Variants in ACTL8 observed in about 807,000 individuals in gnomAD.
ACTL8 encodes actin like 8, also known as actin-like protein 8.
Under a neutral mutation model 9.3 loss-of-function variants are expected in ACTL8, and 3 were observed. The observed-to-expected ratio is 0.32, with a 90% CI of 0.15 to 0.83. ACTL8 has a LOEUF of 0.83. ACTL8 is among the 40% of genes least tolerant of loss of function. The pLI is 0.57. For missense variants in ACTL8, 381 were observed against 492.2 expected (o/e 0.77, Z 2.14); for synonymous variants, 224 against 205.9 (o/e 1.09, Z -0.75).
At chr1:17,803,300 C>G (rs2066337021) in intron 1 of ACTL8, among the ~76,000 whole-genome samples, 2 of 152,194 alleles carry the variant, frequency 1.3e-5, no homozygotes, top group African/African-American at 4.8e-5. Context: ...GAGGCCTCCC[C>G]AGCCATGCGG....
intron 1 of ACTL8, among the ~76,000 whole-genome samples, chr1:17,816,973 G>C (rs1047990937): frequency 6.6e-6 from 1 of 152,156 alleles, no homozygotes; most frequent in Non-Finnish European, 1.5e-5. Context: ...TCTGCAGGTT[G>C]CTTCTCCAAG....
intron 1 of ACTL8, among the ~76,000 whole-genome samples, chr1:17,770,764 C>T (rs2066077268): frequency 6.6e-6 from 1 of 152,116 alleles, no homozygotes; most frequent in Admixed American, 6.5e-5. Flanking sequence ...TCGCCATGCA[C>T]AGTGAAACCA....
At chr1:17,775,618 C>T (rs759913596) in intron 1 of ACTL8, among the ~76,000 whole-genome samples, 1 of 152,204 alleles carries the variant, frequency 6.6e-6, no homozygotes, top group Non-Finnish European at 1.5e-5. Context: ...TCACCTGTGT[C>T]CCATGGTAGT....
chr1:17,815,736 T>C lies in ACTL8; in HGVS notation c.-24-7249T>C, dbSNP rs552779727. Among the ~76,000 whole-genome samples the C allele has an allele frequency of 2.0e-3, 308 of 152,330 alleles. 1 individual carries two copies. The highest frequency in any genetic ancestry group is 3.5e-3 in the Non-Finnish European group (241 of 68,032). On this transcript the variant is annotated intron_variant, in intron 1 of 2. Coordinates refer to ENST00000375406, the MANE Select transcript of ACTL8 (RefSeq NM_030812.3). The stretch of plus-strand genomic sequence containing the variant: ...ATTTGGGAAATTTTTAGCCATTATG[T>C]CTTCAAAACTTTTTCTGAGCCAGTC...
At chr1:17,807,339 C>T (rs2066365980) in intron 1 of ACTL8, among the ~76,000 whole-genome samples, 1 of 152,182 alleles carries the variant, frequency 6.6e-6, no homozygotes, top group Admixed American at 6.5e-5. Flanking sequence ...AGGTTGGAGG[C>T]ACAGACCCTG....
At chr1:17,781,055 T>C (rs2066151392) in intron 1 of ACTL8, among the ~76,000 whole-genome samples, 1 of 152,036 alleles carries the variant, frequency 6.6e-6, no homozygotes, top group Non-Finnish European at 1.5e-5. Context: ...TATCAGCAGA[T>C]CCCCAGTAAC....
chr1:17,809,766 C>T (rs1410558249), intron 1 of ACTL8, among the ~76,000 whole-genome samples: 1 of 151,900 alleles, frequency 6.6e-6, no homozygotes, highest in Non-Finnish European at 1.5e-5. Context: ...CAAGCTCAGG[C>T]CTCCCACTGA....
At chr1:17,764,790 A>C (rs1476014172) in intron 1 of ACTL8, among the ~76,000 whole-genome samples, 3 of 152,054 alleles carry the variant, frequency 2.0e-5, no homozygotes, top group Non-Finnish European at 2.9e-5. Context: ...TCCCCGGGGG[A>C]GTTCACGCAG....
chr1:17,797,979 C>A (rs1382775634), intron 1 of ACTL8, among the ~76,000 whole-genome samples: 1 of 152,104 alleles, frequency 6.6e-6, no homozygotes, highest in Non-Finnish European at 1.5e-5. Context: ...GCTGTCGAAT[C>A]TGAGTGGGGC....
At chr1:17,774,633 G>C (rs2066106503) in intron 1 of ACTL8, among the ~76,000 whole-genome samples, 1 of 152,094 alleles carries the variant, frequency 6.6e-6, no homozygotes, top group African/African-American at 2.4e-5. Context: ...TCCTGGGGTA[G>C]GCATGTGCCT....
At position 17,826,757 on chromosome 1, in the gene ACTL8, C is replaced by A. The variant is rs1356832436; in HGVS notation, c.*238C>A. On this transcript the variant is annotated 3_prime_UTR_variant, in exon 3 of 3. Transcript: ENST00000375406. This position sits in a 1 kb window ranked among gnomAD's most constrained non-coding sequence, Gnocchi z 4.5. ...GAAACCCTGCAGGGGACAGTTTTTC[C>A]AGGGTGGCCTATCATTGGGGTATGA... The A allele has an allele frequency of 2.6e-6, 1 of 377,926 alleles. No individual in the cohort carries two copies. The highest frequency in any genetic ancestry group is 4.7e-6 in the Non-Finnish European group (1 of 213,046). The allele number at this position is 377,926 out of a possible 1,614,324, so 23.4% of individuals were successfully genotyped here.
intron 1 of ACTL8, among the ~76,000 whole-genome samples, chr1:17,756,158 A>T (rs2065968132): frequency 6.6e-6 from 1 of 151,684 alleles, no homozygotes; most frequent in Admixed American, 6.6e-5. Context: ...CTTCCTTGGT[A>T]GCTCTGGGAG....
At chr1:17,810,619 A>G (rs2066387534) in intron 1 of ACTL8, among the ~76,000 whole-genome samples, 1 of 152,202 alleles carries the variant, frequency 6.6e-6, no homozygotes, top group African/African-American at 2.4e-5. Flanking sequence ...CACTCTGGCA[A>G]TCAAGATATG....
At chr1:17,798,164 G>A (rs980639355) in intron 1 of ACTL8, among the ~76,000 whole-genome samples, 2 of 152,206 alleles carry the variant, frequency 1.3e-5, no homozygotes, top group African/African-American at 4.8e-5. Flanking sequence ...ATGGGTCTGC[G>A]CAGTCATCAG....
At chr1:17,792,175 C>T (rs1006300480) in intron 1 of ACTL8, among the ~76,000 whole-genome samples, 3 of 152,212 alleles carry the variant, frequency 2.0e-5, no homozygotes, top group African/African-American at 7.2e-5. Flanking sequence ...GTGGACCAGG[C>T]GCTTATTAGG....
At chr1:17,759,742 G>A (rs1023369908) in intron 1 of ACTL8, among the ~76,000 whole-genome samples, 3 of 152,290 alleles carry the variant, frequency 2.0e-5, no homozygotes, top group Middle Eastern at 3.4e-3. Flanking sequence ...CTTGAGGGCT[G>A]GATGTCAGCC....
chr1:17,817,742 C>T (rs1486661373), intron 1 of ACTL8, among the ~76,000 whole-genome samples: 7 of 151,846 alleles, frequency 4.6e-5, no homozygotes, highest in Admixed American at 1.3e-4. Flanking sequence ...ACTCTGTCAC[C>T]CAGGCTGGAG....
Position 17,823,406 on chromosome 1 carries a change from C to T in ACTL8, c.348+50C>T. ...CACTCGGGAGCGGGAAACAGACTGA[C>T]ACTATGTCTGGACTGATTGGGCACC... On this transcript the variant is annotated intron_variant, in intron 2 of 2. Coordinates refer to ENST00000375406, the MANE Select transcript of ACTL8 (RefSeq NM_030812.3). The surrounding 1 kb of genome is among the most constrained non-coding windows in gnomAD (Gnocchi z 5.3). 6.5e-7 allele frequency: 1 copy of T among 1,528,998 alleles called. No individual in the cohort carries two copies. Among genetic ancestry groups the T allele is most frequent in the Non-Finnish European group, 8.9e-7 (1 of 1,124,932 alleles). 94.7% of individuals were successfully genotyped at this position (1,528,998 alleles called of 1,614,324 possible). A position where few individuals can be genotyped will look rare whatever the true frequency, so the allele number is the denominator to read the frequency against.
At chr1:17,808,759 G>T (rs1198730203) in intron 1 of ACTL8, among the ~76,000 whole-genome samples, 3 of 152,194 alleles carry the variant, frequency 2.0e-5, no homozygotes, top group Admixed American at 1.3e-4. Flanking sequence ...TGGGGTGAAG[G>T]TTTGGTGTGG....
Sources: gnomAD v4.1 joint callset for allele counts (sites outside exome capture counted in the v4.1 genomes callset) on GRCh38, gnomAD v4.1.1 for gene constraint, Gnocchi (gnomAD v3.1) non-coding constraint, MANE v1.5 for transcripts, NCBI Gene and HGNC (gene_info 2026-07-23, HGNC 2026-07-21) for gene names.